TEX15: variants seen among roughly 807,000 people sequenced by gnomAD.
The protein encoded by TEX15 is testis-expressed protein 15.
A neutral mutation model predicts 237.3 loss-of-function variants in TEX15; 171 were observed. The ratio of observed to expected loss-of-function variants is 0.72; its 90% confidence interval spans 0.64 to 0.82. TEX15 has a LOEUF of 0.82. TEX15 is among the 40% of genes least tolerant of loss of function. The pLI is 0.00. For synonymous variants in TEX15, 1,338 were observed against 1,269.8 expected, an observed-to-expected ratio of 1.05 and a Z score of -1.14; for missense variants, 3,750 against 3,646.5, an observed-to-expected ratio of 1.03 and a Z score of -0.73.
intron 1 of TEX15, among the ~76,000 whole-genome samples, chr8:30,903,313 GGGA>G (rs1299127607): frequency 6.6e-6 from 1 of 152,198 alleles, no homozygotes; most frequent in Non-Finnish European, 1.5e-5. Context: ...CCAGGCTATG[GGGA>G]GGAGTACTTC....
intron 1 of TEX15, among the ~76,000 whole-genome samples, chr8:30,907,618 A>C (rs1809133264): frequency 6.9e-6 from 1 of 144,540 alleles, no homozygotes; most frequent in East Asian, 2.0e-4. Context: ...ATTACATATA[A>C]TTTATATATA....
rs1563226584 is a variant in TEX15, at chr8:30,837,012, AGATTAGAATGT to A, written c.9261_9271del (p.His3088SerfsTer33). The A allele has an allele frequency of 6.2e-7, 1 of 1,614,156 alleles. No individual in the cohort carries two copies. ...ATAAGTAAAATATTGAGAGTACAGA[AGATTAGAATGT>A]GTGCCCTGGGCAGTACTTGCAACTG... On this transcript the variant is annotated frameshift_variant, in exon 10 of 11. Transcript: ENST00000643185. LOFTEE classifies it high-confidence loss of function.
intron 7 of TEX15, among the ~76,000 whole-genome samples, chr8:30,858,087 C>T (rs1173438462): frequency 6.6e-6 from 1 of 151,840 alleles, no homozygotes; most frequent in African/African-American, 2.4e-5. Context: ...CTGGAAAGTG[C>T]CCAAACATCC....
rs755752285 is a variant in TEX15 at position 30,845,021 on chromosome 8, T to C, written c.5146A>G (p.Ser1716Gly). The C allele has an allele frequency of 6.2e-7, 1 of 1,613,644 alleles. No homozygotes were observed. Among genetic ancestry groups the C allele is most frequent in the South Asian group, 1.1e-5 (1 of 91,074 alleles). ...GCAGCGGCTGATAACTGAGGAATAC[T>C]GTACTTTTTACTTGCTATCAAAGTT... ...NLTLIASKKY[S>G]IPQLSAAAVT... Residue 1716 changes from serine to glycine, a missense_variant, in exon 8 of 11, where the codon AGT (serine) becomes GGT (glycine). Coordinates refer to ENST00000643185, the MANE Select transcript of TEX15 (RefSeq NM_001350162.2).
chr8:30,872,863 T>C (rs1349133209), intron 4 of TEX15, among the ~76,000 whole-genome samples: 1 of 152,172 alleles, frequency 6.6e-6, no homozygotes, highest in Non-Finnish European at 1.5e-5. Context: ...GGTCAAAAAG[T>C]TAGACTTTTA....
chr8:30,905,841 T>C (rs950086680), intron 1 of TEX15, among the ~76,000 whole-genome samples: 2 of 151,684 alleles, frequency 1.3e-5, no homozygotes, highest in African/African-American at 4.9e-5. Context: ...AAGGTGGCTG[T>C]TGCAATGAGC....
intron 7 of TEX15, 64 bp from the exon 8 acceptor site, chr8:30,849,380 G>A: frequency 1.2e-6 from 1 of 855,226 alleles, no homozygotes; most frequent in Non-Finnish European, 1.7e-6. Flanking sequence ...TATTAATACA[G>A]GTACATTGTG....
At chr8:30,878,872 T>G (rs989726141) in intron 3 of TEX15, among the ~76,000 whole-genome samples, 1 of 152,316 alleles carries the variant, frequency 6.6e-6, no homozygotes, top group Admixed American at 6.5e-5. Context: ...CTGGAGTGGC[T>G]GTGCTATCTT....
intron 4 of TEX15, among the ~76,000 whole-genome samples, chr8:30,872,862 G>C (rs1808320784): frequency 6.6e-6 from 1 of 152,140 alleles, no homozygotes; most frequent in Non-Finnish European, 1.5e-5. Context: ...GGGTCAAAAA[G>C]TTAGACTTTT....
chr8:30,897,765 A>G lies in TEX15; in HGVS notation c.-10+977T>C, dbSNP rs368767798. On this transcript the variant is annotated intron_variant, in intron 2 of 10. Coordinates refer to ENST00000643185, the MANE Select transcript of TEX15 (RefSeq NM_001350162.2). ...AACCTTGAATTCCTGGGCTCAAGCA[A>G]TCCTTCTGCCTCAGCCTCCTAAGTA... 6.9e-4 allele frequency among the ~76,000 whole-genome samples: 105 copies of G among 152,278 alleles called. 1 individual carries two copies. The highest frequency in any genetic ancestry group is 2.5e-3 in the African/African-American group (102 of 41,548).
Position 30,846,693 on chromosome 8 carries a change from A to G in TEX15, c.3474T>C (p.Ile1158=). The change falls in exon 8 of 11, where the codon ATT becomes ATC. Residue 1158 remains isoleucine, a synonymous_variant. Transcript: ENST00000643185. ...TSPILLPDLQ[I]KITNIFRPGF... ...CTGGCCTAAATATATTAGTAATTTT[A>G]ATTTGTAGATCTGGAAGTAAAATTG... is the stretch of plus-strand genomic sequence containing the variant. 1.2e-6 allele frequency: 2 copies of G among 1,613,596 alleles called. No individual in the cohort carries two copies. The highest frequency in any genetic ancestry group is 3.3e-4 in the Middle Eastern group (2 of 6,060).
At chr8:30,882,613 A>C (rs1430812451) in intron 3 of TEX15, among the ~76,000 whole-genome samples, 1 of 152,034 alleles carries the variant, frequency 6.6e-6, no homozygotes, top group Non-Finnish European at 1.5e-5. Context: ...GTTGACATGT[A>C]TCTCATGGCC....
rs146619272 is a variant in TEX15 at position 30,836,810 on chromosome 8, C to T, written c.9474G>A (p.Trp3158Ter). ...TTAAAATGTGAAACTCACCATAAAC[C>T]CAAGGAACTTCTGGAGGCACAAATC... is the stretch of plus-strand genomic sequence containing the variant. ...PNRFVPPEVP[W>*]VYAPWHQESF... Residue 3158 changes from tryptophan (W) to a stop codon, truncating the protein, a stop_gained, in exon 10 of 11, where the codon TGG becomes TGA. Coordinates refer to ENST00000643185, the MANE Select transcript of TEX15 (RefSeq NM_001350162.2). LOFTEE classifies it high-confidence loss of function. The T allele has an allele frequency of 5.6e-4, 891 of 1,600,142 alleles. 3 individuals carry two copies. The highest frequency in any genetic ancestry group is 4.2e-4 in the Non-Finnish European group (498 of 1,173,944).
At chr8:30,889,446 C>T (rs372271665) in intron 2 of TEX15, among the ~76,000 whole-genome samples, 22 of 151,970 alleles carry the variant, frequency 1.4e-4, no homozygotes, top group African/African-American at 4.1e-4. Context: ...TATGAGACTC[C>T]GGCTCAAAGA....
At chr8:30,852,773 T>C (rs1807816556) in intron 7 of TEX15, among the ~76,000 whole-genome samples, 1 of 152,062 alleles carries the variant, frequency 6.6e-6, no homozygotes, top group Non-Finnish European at 1.5e-5. Flanking sequence ...CGGAAACTAA[T>C]AAAACCAGAT....
At chr8:30,838,159 GTTC>G (rs1255603855) in intron 9 of TEX15, 98 bp from the exon 10 acceptor site, 1 of 1,086,584 alleles carries the variant, frequency 9.2e-7, no homozygotes, top group Non-Finnish European at 1.3e-6. Context: ...CAGGGGAAGA[GTTC>G]TTAAGCTTTA....
At chr8:30,873,755 G>A (rs1364295038) in intron 4 of TEX15, among the ~76,000 whole-genome samples, 1 of 152,060 alleles carries the variant, frequency 6.6e-6, no homozygotes, top group Admixed American at 6.6e-5. Flanking sequence ...AATATACTAG[G>A]AGAATGAGAC....
At chr8:30,885,632 G>A (rs867735998) in intron 3 of TEX15, among the ~76,000 whole-genome samples, 28 of 152,276 alleles carry the variant, frequency 1.8e-4, no homozygotes, top group African/African-American at 6.5e-4. Flanking sequence ...TATGGCCAAG[G>A]TATGGTCTAT....
intron 7 of TEX15, among the ~76,000 whole-genome samples, chr8:30,850,417 C>T (rs900039785): frequency 2.0e-5 from 3 of 152,094 alleles, no homozygotes; most frequent in African/African-American, 7.2e-5. Flanking sequence ...TTTCCTAAAA[C>T]AGGAATTAAT....
Sources: gnomAD v4.1 joint callset for allele counts (sites outside exome capture counted in the v4.1 genomes callset) on GRCh38, gnomAD v4.1.1 for gene constraint, MANE v1.5 for transcripts, NCBI Gene and HGNC (gene_info 2026-07-23, HGNC 2026-07-21) for gene names.